SLC24A3: variants seen among roughly 807,000 people sequenced by gnomAD.
SLC24A3 encodes the protein sodium/potassium/calcium exchanger 3.
SLC24A3 carries 28 observed loss-of-function variants against 75.8 expected under a neutral mutation model. That is an observed-to-expected ratio of 0.37 (90% CI 0.27 to 0.51). The LOEUF is 0.51. Ranked by LOEUF, SLC24A3 falls within the 20% of genes least tolerant of loss-of-function variation. The pLI, the probability that SLC24A3 is intolerant of heterozygous loss-of-function variation, is 0.94. For missense variants in SLC24A3, 663 were observed against 847.8 expected (o/e 0.78, Z 2.71); for synonymous variants, 372 against 334.1 (o/e 1.11, Z -1.24).
At chr20:19,507,824 A>C (rs985120385) in intron 2 of SLC24A3, among the ~76,000 whole-genome samples, 1 of 152,140 alleles carries the variant, frequency 6.6e-6, no homozygotes, top group African/African-American at 2.4e-5. Flanking sequence ...TCAGCCAATA[A>C]TTCTGTCTTG....
intron 1 of SLC24A3, among the ~76,000 whole-genome samples, chr20:19,278,966 T>C (rs546557915): frequency 1.3e-5 from 2 of 152,198 alleles, no homozygotes; most frequent in South Asian, 4.2e-4. Context: ...CTTCCATGAG[T>C]CTCACTTTCT....
chr20:19,602,814 C>T (rs913398446), intron 6 of SLC24A3, among the ~76,000 whole-genome samples: 7 of 152,298 alleles, frequency 4.6e-5, no homozygotes, highest in Admixed American at 2.0e-4. Context: ...CTGACTCTCT[C>T]TCTGCGCTAA....
intron 2 of SLC24A3, among the ~76,000 whole-genome samples, chr20:19,429,832 C>G (rs6112375): frequency 0.42 from 63,318 of 151,956 alleles, 13,441 homozygotes; most frequent in East Asian, 0.54. Context: ...TTATGCTCTC[C>G]TCATTTGATT....
At chr20:19,675,198 T>G (rs1027587785) in intron 9 of SLC24A3, among the ~76,000 whole-genome samples, 4 of 152,216 alleles carry the variant, frequency 2.6e-5, no homozygotes, top group Non-Finnish European at 5.9e-5. Context: ...AGATGTTCTG[T>G]GCTGCAACTG....
intron 15 of SLC24A3, among the ~76,000 whole-genome samples, chr20:19,713,343 A>C (rs2033009844): frequency 6.6e-6 from 1 of 152,180 alleles, no homozygotes; most frequent in Admixed American, 6.5e-5. Flanking sequence ...CATAGACTCA[A>C]AATAATTTAA....
chr20:19,232,942 TTTGGAAAATGAATCGAC>T (rs1170690084), intron 1 of SLC24A3, among the ~76,000 whole-genome samples: 1 of 152,178 alleles, frequency 6.6e-6, no homozygotes, highest in East Asian at 1.9e-4. Flanking sequence ...GAGCTACCAA[TTTGGAAAATGAATCGAC>T]TTGGAAACTG....
At chr20:19,343,102 A>G (rs1157007620) in intron 2 of SLC24A3, among the ~76,000 whole-genome samples, 2 of 150,788 alleles carry the variant, frequency 1.3e-5, no homozygotes, top group Non-Finnish European at 3.0e-5. Flanking sequence ...GAAAAAGAAA[A>G]AGAAAAGGCA....
intron 3 of SLC24A3, among the ~76,000 whole-genome samples, chr20:19,575,768 A>G (rs1405756920): frequency 6.6e-6 from 1 of 152,168 alleles, no homozygotes; most frequent in Admixed American, 6.5e-5. Flanking sequence ...CATATTTTGT[A>G]GTGCATCTGG....
chr20:19,368,129 T>C (rs1231552859), intron 2 of SLC24A3, among the ~76,000 whole-genome samples: 1 of 152,156 alleles, frequency 6.6e-6, no homozygotes, highest in African/African-American at 2.4e-5. Context: ...TCCACGTGCA[T>C]GCACATTTAG....
chr20:19,531,413 G>T (rs2030296492), intron 3 of SLC24A3, among the ~76,000 whole-genome samples: 1 of 152,230 alleles, frequency 6.6e-6, no homozygotes, highest in Non-Finnish European at 1.5e-5. Flanking sequence ...GCATTCAGTT[G>T]TTTTGCTCCT....
chr20:19,560,229 G>T (rs1220117308), intron 3 of SLC24A3, among the ~76,000 whole-genome samples: 1 of 152,182 alleles, frequency 6.6e-6, no homozygotes, highest in Non-Finnish European at 1.5e-5. Flanking sequence ...GACAACTGGG[G>T]CTCGATCCTG....
intron 6 of SLC24A3, among the ~76,000 whole-genome samples, chr20:19,627,961 G>A (rs1306218949): frequency 6.6e-6 from 1 of 151,988 alleles, no homozygotes; most frequent in African/African-American, 2.4e-5. Context: ...ACTTTGGGAG[G>A]CTGAGGCGGG....
chr20:19,297,101 A>C (rs1984079926), intron 2 of SLC24A3, among the ~76,000 whole-genome samples: 2 of 152,236 alleles, frequency 1.3e-5, no homozygotes, highest in Non-Finnish European at 2.9e-5. Context: ...TTTACATTTT[A>C]CTATACTGGC....
chr20:19,605,487 C>T (rs1472767076), intron 6 of SLC24A3, among the ~76,000 whole-genome samples: 1 of 152,156 alleles, frequency 6.6e-6, no homozygotes, highest in Non-Finnish European at 1.5e-5. Context: ...AAGCTGAAGT[C>T]AACTGATTCT....
At chr20:19,640,646 A>AGGCAGT (rs2122697236) in intron 6 of SLC24A3, among the ~76,000 whole-genome samples, 1 of 152,182 alleles carries the variant, frequency 6.6e-6, no homozygotes, top group South Asian at 2.1e-4. Flanking sequence ...GCTACTCCGA[A>AGGCAGT]GTGTGAGGCA....
chr20:19,662,625 T>C (rs1600327246), intron 7 of SLC24A3, among the ~76,000 whole-genome samples: 1 of 152,362 alleles, frequency 6.6e-6, no homozygotes, highest in East Asian at 1.9e-4. Context: ...CTTGTTCTAG[T>C]CTAGAAAGAA....
chr20:19,352,737 G>C lies in SLC24A3; in HGVS notation c.271+71650G>C, dbSNP rs73902321. Among the ~76,000 whole-genome samples, 399 of 152,292 alleles carry C rather than the reference G, an allele frequency of 2.6e-3. 3 individuals are homozygous for C. Among genetic ancestry groups the C allele is most frequent in the African/African-American group, 9.4e-3 (389 of 41,556 alleles). The stretch of plus-strand genomic sequence containing the variant: ...TGTTTCAACATGTGAAGTCTCAGCT[G>C]TTGGTGGGGAAGAGACATTGTGTAG... On this transcript the variant is annotated intron_variant, in intron 2 of 16. Transcript: ENST00000328041.
chr20:19,220,377 T>A (rs1981671976), intron 1 of SLC24A3, among the ~76,000 whole-genome samples: 1 of 152,186 alleles, frequency 6.6e-6, no homozygotes, highest in Non-Finnish European at 1.5e-5. Context: ...CATTGTTTGA[T>A]CTCAGCAAAA....
At chr20:19,650,641 C>T (rs182447789) in intron 6 of SLC24A3, among the ~76,000 whole-genome samples, 3,981 of 152,162 alleles carry the variant, frequency 0.026, 164 homozygotes, top group African/African-American at 0.091. Flanking sequence ...CTTTTAGCCC[C>T]CCCTTCTCAC....
Sources: gnomAD v4.1 joint callset for allele counts (sites outside exome capture counted in the v4.1 genomes callset) on GRCh38, gnomAD v4.1.1 for gene constraint, MANE v1.5 for transcripts, NCBI Gene and HGNC (gene_info 2026-07-23, HGNC 2026-07-21) for gene names.